Variants in RNLS observed in about 807,000 individuals in gnomAD.
RNLS encodes the protein renalase, FAD dependent amine oxidase.
RNLS carries 39 observed loss-of-function variants against 39.8 expected under a neutral mutation model. The ratio of observed to expected loss-of-function variants is 0.98; its 90% CI spans 0.76 to 1.28. The LOEUF (loss-of-function observed/expected upper bound fraction) is 1.28, where lower values mean the gene tolerates loss of function less well. RNLS is among the 50% of genes most tolerant of loss of function. The pLI is 0.00. For synonymous variants in RNLS, 147 were observed against 150.7 expected, an observed-to-expected ratio of 0.98 and a Z score of 0.18; for missense variants, 410 against 413.3, an observed-to-expected ratio of 0.99 and a Z score of 0.07.
At chr10:88,274,762 G>T in exon 7 of RNLS, 1 of 419,078 alleles carries the variant, frequency 2.4e-6, no homozygotes, top group Non-Finnish European at 4.4e-6. Context: ...TAAAGAAATT[G>T]CCGTATCATT....
At chr10:88,306,036 A>G (rs991510100) in intron 6 of RNLS, among the ~76,000 whole-genome samples, 5 of 152,190 alleles carry the variant, frequency 3.3e-5, no homozygotes, top group African/African-American at 1.2e-4. Flanking sequence ...ACTCAAAACC[A>G]TATAGTTACA....
intron 4 of RNLS, among the ~76,000 whole-genome samples, chr10:88,427,600 T>C (rs1854865538): frequency 6.6e-6 from 1 of 151,984 alleles, no homozygotes; most frequent in African/African-American, 2.4e-5. Context: ...AGTACAGGAA[T>C]TGGAGATTGC....
At chr10:88,549,939 T>C (rs1362881578) in intron 4 of RNLS, among the ~76,000 whole-genome samples, 2 of 152,214 alleles carry the variant, frequency 1.3e-5, no homozygotes, top group African/African-American at 4.8e-5. Flanking sequence ...AAACTCATGA[T>C]TTGCTTCACA....
chr10:88,445,959 C>A (rs183497525), intron 4 of RNLS, among the ~76,000 whole-genome samples: 8 of 152,284 alleles, frequency 5.3e-5, no homozygotes, highest in Middle Eastern at 3.4e-3. Context: ...CTGCACCAAG[C>A]GGACCTAACA....
intron 4 of RNLS, among the ~76,000 whole-genome samples, chr10:88,550,740 T>C (rs1441779069): frequency 2.0e-5 from 3 of 152,216 alleles, no homozygotes; most frequent in South Asian, 2.1e-4. Flanking sequence ...CTACATCCTA[T>C]GAATTTGTGT....
the RNLS span, among the ~76,000 whole-genome samples, chr10:88,203,993 A>C: frequency 6.6e-6 from 1 of 152,108 alleles, no homozygotes; most frequent in Non-Finnish European, 1.5e-5. Context: ...TTCTCATTTA[A>C]TGTTCACCAC....
At chr10:88,409,843 T>C (rs1853547734) in intron 4 of RNLS, among the ~76,000 whole-genome samples, 1 of 152,140 alleles carries the variant, frequency 6.6e-6, no homozygotes, top group Non-Finnish European at 1.5e-5. Context: ...TAGCTCTGTG[T>C]TGCATATAAT....
chr10:88,456,366 A>T (rs1176845762), intron 4 of RNLS, among the ~76,000 whole-genome samples: 3 of 151,358 alleles, frequency 2.0e-5, no homozygotes, highest in Non-Finnish European at 2.9e-5. Context: ...TATATATAAT[A>T]TTTATTTATT....
At chr10:88,248,427 G>A in the RNLS span, among the ~76,000 whole-genome samples, 9 of 152,148 alleles carry the variant, frequency 5.9e-5, no homozygotes, top group African/African-American at 1.9e-4. Flanking sequence ...TGGAAGCCTG[G>A]AGGATCAGAT....
chr10:88,535,548 C>G (rs1226018049), intron 4 of RNLS, among the ~76,000 whole-genome samples: 1 of 151,496 alleles, frequency 6.6e-6, no homozygotes, highest in African/African-American at 2.4e-5. Flanking sequence ...CGTTTACCTA[C>G]GTAACAAACC....
At chr10:88,355,822 G>A (rs1335986789) in intron 5 of RNLS, among the ~76,000 whole-genome samples, 2 of 152,222 alleles carry the variant, frequency 1.3e-5, no homozygotes, top group Non-Finnish European at 2.9e-5. Flanking sequence ...GGGGTCTACA[G>A]AGGCAGGCAG....
At chr10:88,371,326 A>T (rs1250636065) in intron 4 of RNLS, among the ~76,000 whole-genome samples, 1 of 152,136 alleles carries the variant, frequency 6.6e-6, no homozygotes, top group African/African-American at 2.4e-5. Flanking sequence ...GAAACGTTTT[A>T]AAAAAGCCTT....
intron 4 of RNLS, among the ~76,000 whole-genome samples, chr10:88,406,591 T>C (rs949285268): frequency 2.0e-5 from 3 of 152,042 alleles, no homozygotes; most frequent in African/African-American, 7.2e-5. Context: ...AGGGAACACT[T>C]CTACACTGCT....
the RNLS span, among the ~76,000 whole-genome samples, chr10:88,266,728 CA>C: frequency 2.5e-4 from 38 of 149,462 alleles, no homozygotes; most frequent in East Asian, 1.4e-3. Flanking sequence ...CACACACACA[CA>C]CACACACCCC....
the RNLS span, among the ~76,000 whole-genome samples, chr10:88,180,124 G>A: frequency 6.6e-6 from 1 of 152,156 alleles, no homozygotes; most frequent in African/African-American, 2.4e-5. Context: ...GCTGTCTTTG[G>A]GTGGGGACAG....
chr10:88,422,045 C>T (rs970421381), intron 4 of RNLS, among the ~76,000 whole-genome samples: 5 of 152,202 alleles, frequency 3.3e-5, no homozygotes, highest in Non-Finnish European at 7.3e-5. Context: ...GAATAGCTTT[C>T]TACACTCAAC....
rs887768591 is a variant in RNLS, at chr10:88,456,774, A to T, written c.527-94049T>A. Among the ~76,000 whole-genome samples, 40 of 152,150 alleles carry T rather than the reference A, an allele frequency of 2.6e-4. 1 individual carries two copies. The highest frequency in any genetic ancestry group is 2.4e-3 in the Admixed American group (36 of 15,268). On this transcript the variant is annotated intron_variant, in intron 4 of 6. Transcript: ENST00000331772. The stretch of plus-strand genomic sequence containing the variant: ...ATTTGAGGGACCTGACCAATTTTTT[A>T]AAAAAATTCAAAGTGAGCAGTGTAC...
downstream of RNLS, among the ~76,000 whole-genome samples, chr10:88,279,367 C>T (rs112558616): frequency 2.6e-3 from 391 of 152,210 alleles, 3 homozygotes; most frequent in Non-Finnish European, 4.5e-3. Context: ...GTTTTCTCTA[C>T]GCAGGACACA....
chr10:88,293,079 T>G (rs1359150088), intron 6 of RNLS, among the ~76,000 whole-genome samples: 1 of 151,822 alleles, frequency 6.6e-6, no homozygotes, highest in African/African-American at 2.4e-5. Context: ...AAAAAAAATT[T>G]TCATCCACTC....
Sources: allele counts gnomAD v4.1 joint callset (sites outside exome capture counted in the v4.1 genomes callset), GRCh38; gene constraint gnomAD v4.1.1; transcripts MANE v1.5; gene names NCBI Gene and HGNC (gene_info 2026-07-23, HGNC 2026-07-21).